The following DMXL2 variants were observed in gnomAD, a reference collection of about 807,000 sequenced individuals.
The protein encoded by DMXL2 is Dmx like 2, also known as dmX-like protein 2.
DMXL2 carries 103 observed loss-of-function variants against 331.1 expected under a neutral mutation model. The ratio of observed to expected loss-of-function variants is 0.31; its 90% CI spans 0.27 to 0.37. The LOEUF (loss-of-function observed/expected upper bound fraction) is 0.37, where lower values mean the gene tolerates loss of function less well. Ranked by LOEUF, DMXL2 falls within the 10% of genes least tolerant of loss-of-function variation. The probability of loss-of-function intolerance (pLI) is 1.00; values close to 1 mark genes in which losing one functional copy is unlikely to be tolerated. For synonymous variants in DMXL2, 1,281 were observed against 1,252.1 expected, an observed-to-expected ratio of 1.02 and a Z score of -0.49; for missense variants, 3,171 against 3,642.9, an observed-to-expected ratio of 0.87 and a Z score of 3.33.
chr15:51,547,464 T>A (rs1298278001), intron 6 of DMXL2, 56 bp from the exon 7 acceptor site: 2 of 1,316,888 alleles, frequency 1.5e-6, no homozygotes, highest in African/African-American at 1.5e-5. Context: ...ATTCAAAATT[T>A]AAGTGGTTTG....
intron 6 of DMXL2, among the ~76,000 whole-genome samples, chr15:51,552,939 C>T (rs995628367): frequency 2.0e-5 from 3 of 152,222 alleles, no homozygotes; most frequent in Non-Finnish European, 1.5e-5. Flanking sequence ...CTGCTAATTC[C>T]TATTTCAGAG....
At chr15:51,508,972 A>C (rs1245137333) in intron 15 of DMXL2, among the ~76,000 whole-genome samples, 1 of 152,208 alleles carries the variant, frequency 6.6e-6, no homozygotes, top group Non-Finnish European at 1.5e-5. Context: ...TCAAACTATA[A>C]TGACACCACC....
At chr15:51,522,823 T>C (rs2047453165) in intron 13 of DMXL2, among the ~76,000 whole-genome samples, 1 of 152,212 alleles carries the variant, frequency 6.6e-6, no homozygotes, top group African/African-American at 2.4e-5. Context: ...TTCATATCCA[T>C]ATTCAAGCAG....
intron 19 of DMXL2, among the ~76,000 whole-genome samples, chr15:51,492,132 G>A (rs527355611): frequency 2.0e-5 from 3 of 152,194 alleles, no homozygotes; most frequent in Admixed American, 6.5e-5. Flanking sequence ...GCCCAGGCCC[G>A]ATTCCAGGTT....
chr15:51,510,983 T>C (rs2046722619), intron 15 of DMXL2, among the ~76,000 whole-genome samples: 2 of 152,312 alleles, frequency 1.3e-5, no homozygotes, highest in East Asian at 1.9e-4. Context: ...GAAAATTGGC[T>C]TGCCACATGC....
rs116149957 is a variant in DMXL2, at chr15:51,597,626, C to T, written c.88-21445G>A. ...CATTCTTGTAGGGAAATCTCGCATA[C>T]GTGCATGCATTTCTCTAGAATATAC... On this transcript the variant is annotated intron_variant, in intron 1 of 43. Transcript: ENST00000560891. Among the ~76,000 whole-genome samples the T allele has an allele frequency of 3.9e-3, 594 of 152,232 alleles. 4 individuals are homozygous for T. The highest frequency in any genetic ancestry group is 0.014 in the African/African-American group (573 of 41,532).
intron 39 of DMXL2, among the ~76,000 whole-genome samples, chr15:51,455,799 A>G (rs927214841): frequency 2.6e-5 from 4 of 152,236 alleles, no homozygotes; most frequent in African/African-American, 9.6e-5. Flanking sequence ...CTGTGCTTAC[A>G]GGAATCACCA....
At chr15:51,511,701 A>C (rs1169586021) in intron 15 of DMXL2, among the ~76,000 whole-genome samples, 1 of 152,222 alleles carries the variant, frequency 6.6e-6, no homozygotes, top group Non-Finnish European at 1.5e-5. Context: ...TATATACCCA[A>C]AGGATTATAA....
chr15:51,597,696 AT>A (rs1343559670), intron 1 of DMXL2, among the ~76,000 whole-genome samples: 3 of 152,228 alleles, frequency 2.0e-5, no homozygotes, highest in Non-Finnish European at 4.4e-5. Flanking sequence ...CGTATCTTAA[AT>A]TTTGGCATTA....
In DMXL2 at chr15:51,536,192, G is replaced by A; in HGVS notation, c.2288C>T (p.Pro763Leu). ...TAGACAGTAACTGGGAATGAGAGTT[G>A]GAAGCCAAGCCACATTAGAGAACGC... is the stretch of plus-strand genomic sequence containing the variant. ...TSAFSNVAWL[P>L]TLIPSYCLGT... is the part of the protein sequence containing the mutation. The change falls in exon 12 of 44, where the codon CCA becomes CTA. Residue 763 changes from proline to leucine, a missense_variant. Around this residue, in one of 7 missense-constraint regions of DMXL2, gnomAD observed 1,674 missense variants for 1,780.2 expected, o/e 0.94. Coordinates refer to ENST00000560891, the MANE Select transcript of DMXL2 (RefSeq NM_001378457.1). 1 of 1,596,030 alleles carries A rather than the reference G, an allele frequency of 6.3e-7. No homozygotes were observed. Among genetic ancestry groups the A allele is most frequent in the Non-Finnish European group, 8.5e-7 (1 of 1,172,528 alleles).
At chr15:51,482,022 G>C (rs1171468930) in intron 23 of DMXL2, among the ~76,000 whole-genome samples, 1 of 151,900 alleles carries the variant, frequency 6.6e-6, no homozygotes, top group African/African-American at 2.4e-5. Context: ...GAGCAAAACA[G>C]GGAAAAAAAG....
intron 15 of DMXL2, among the ~76,000 whole-genome samples, chr15:51,511,554 G>C (rs1208604991): frequency 6.6e-6 from 1 of 152,206 alleles, no homozygotes. Context: ...ATGCTGGAGA[G>C]GATGTGGAGA....
At chr15:51,535,406 A>T (rs1438084324) in intron 13 of DMXL2, among the ~76,000 whole-genome samples, 1 of 152,218 alleles carries the variant, frequency 6.6e-6, no homozygotes, top group African/African-American at 2.4e-5. Flanking sequence ...TTACAAACAA[A>T]TAATATTTTA....
chr15:51,605,306 T>G (rs1402856348), intron 1 of DMXL2, among the ~76,000 whole-genome samples: 1 of 152,114 alleles, frequency 6.6e-6, no homozygotes, highest in Non-Finnish European at 1.5e-5. Context: ...GTTCAAGTGA[T>G]TCTAGTGCCT....
In DMXL2 at chr15:51,592,167, A is replaced by G. The variant is rs186785589; in HGVS notation, c.88-15986T>C. Among the ~76,000 whole-genome samples, 63 of 149,454 alleles carry G rather than the reference A, an allele frequency of 4.2e-4. 3 individuals are homozygous for G. The East Asian group carries it at 0.014, about 33-fold the overall frequency. ...CATGGCAAAGAAGTTAAAAACCTTGAAAAAAAAAATAGACGAATGGCTAAC... is the reference window on the plus strand; with the variant it reads ...CATGGCAAAGAAGTTAAAAACCTTGGAAAAAAAAATAGACGAATGGCTAAC... On this transcript the variant is annotated intron_variant, in intron 1 of 43. Coordinates refer to ENST00000560891, the MANE Select transcript of DMXL2 (RefSeq NM_001378457.1).
intron 6 of DMXL2, among the ~76,000 whole-genome samples, chr15:51,558,015 T>C (rs1458597462): frequency 6.6e-6 from 1 of 152,266 alleles, no homozygotes; most frequent in Admixed American, 6.5e-5. Context: ...ACATCATTTG[T>C]ATCCCATCAT....
intron 29 of DMXL2, among the ~76,000 whole-genome samples, chr15:51,467,499 T>G (rs1422475695): frequency 6.6e-6 from 1 of 151,976 alleles, no homozygotes; most frequent in Admixed American, 6.6e-5. Context: ...AACTGGAAAA[T>G]CAAATGGCAA....
At chr15:51,588,925 T>C (rs946637311) in intron 1 of DMXL2, among the ~76,000 whole-genome samples, 2 of 152,174 alleles carry the variant, frequency 1.3e-5, no homozygotes, top group African/African-American at 2.4e-5. Context: ...GTACACAAAT[T>C]TGCTTCAAAA....
intron 1 of DMXL2, among the ~76,000 whole-genome samples, chr15:51,607,506 G>A (rs1345636808): frequency 6.6e-6 from 1 of 152,104 alleles, no homozygotes; most frequent in East Asian, 1.9e-4. Context: ...AAAGGTATTA[G>A]TCACAGAAAT....
Sources: allele counts gnomAD v4.1 joint callset (sites outside exome capture counted in the v4.1 genomes callset), GRCh38; gene constraint gnomAD v4.1.1; regional missense constraint gnomAD v4.1.1; transcripts MANE v1.5; gene names NCBI Gene and HGNC (gene_info 2026-07-23, HGNC 2026-07-21).